TERF1: variants seen among roughly 807,000 people sequenced by gnomAD.
The protein encoded by TERF1 is telomeric repeat-binding factor 1.
Under a neutral mutation model 55.1 loss-of-function variants are expected in TERF1, and 20 were observed. The ratio of observed to expected loss-of-function variants is 0.36; its 90% CI spans 0.26 to 0.53. The LOEUF (loss-of-function observed/expected upper bound fraction) is 0.53. Ranked by LOEUF, TERF1 falls within the 20% of genes least tolerant of loss-of-function variation. The pLI, the probability that TERF1 is intolerant of heterozygous loss-of-function variation, is 0.91. For missense variants in TERF1, 439 were observed against 535.7 expected (o/e 0.82, Z 1.78); for synonymous variants, 168 against 181.2 (o/e 0.93, Z 0.59).
intron 5 of TERF1, among the ~76,000 whole-genome samples, chr8:73,026,285 C>T (rs559838337): frequency 5.2e-4 from 79 of 151,814 alleles, no homozygotes; most frequent in Non-Finnish European, 1.1e-3. Flanking sequence ...ATCGCTTGAG[C>T]CCAGGAGTTT....
At chr8:73,023,088 G>T (rs1028858064) in intron 4 of TERF1, among the ~76,000 whole-genome samples, 2 of 152,118 alleles carry the variant, frequency 1.3e-5, no homozygotes, top group East Asian at 3.8e-4. Flanking sequence ...ATCTGTATGT[G>T]TTCAGTACAG....
At chr8:73,030,753 AT>A (rs1202761023) in intron 7 of TERF1, 4 of 172,368 alleles carry the variant, frequency 2.3e-5, no homozygotes, top group African/African-American at 9.4e-5. Flanking sequence ...CCCCATGCCA[AT>A]TTTATGAAAG....
chr8:73,040,951 T>C (rs1228423588), intron 9 of TERF1, among the ~76,000 whole-genome samples: 3 of 152,174 alleles, frequency 2.0e-5, no homozygotes, highest in African/African-American at 7.2e-5. Context: ...CTTTGGTTCT[T>C]TCTTAGAGTT....
chr8:73,030,634 AG>A lies in TERF1; in HGVS notation c.947+242del, dbSNP rs1320241823. 1.5e-5 allele frequency: 5 copies of A among 344,612 alleles called. No individual in the cohort carries two copies. In the East Asian group the frequency reaches 2.2e-4, roughly 15 times the overall value. 21.3% of individuals were successfully genotyped at this position (344,612 alleles called of 1,614,324 possible). On this transcript the variant is annotated intron_variant, in intron 7 of 9. Coordinates refer to ENST00000276603, the MANE Select transcript of TERF1 (RefSeq NM_017489.3). ...AAAGCCATTATTGGAATACACATATAGGGAGTTCTTGAGCTTAAAACAGATG... is the reference window on the plus strand; with the variant it reads ...AAAGCCATTATTGGAATACACATATAGGAGTTCTTGAGCTTAAAACAGATG...
chr8:73,018,321 G>A (rs1318950955), intron 2 of TERF1, among the ~76,000 whole-genome samples: 3 of 152,140 alleles, frequency 2.0e-5, no homozygotes, highest in Non-Finnish European at 2.9e-5. Context: ...TTGAAACTAC[G>A]AATATTTAAA....
Position 73,013,918 on chromosome 8 carries a change from C to T in TERF1, c.343C>T (p.Leu115=). The T allele has an allele frequency of 6.2e-7, 1 of 1,610,752 alleles. No individual in the cohort carries two copies. The highest frequency in any genetic ancestry group is 8.5e-7 in the Non-Finnish European group (1 of 1,178,980). Residue 115 remains leucine (L), a synonymous_variant, in exon 2 of 10, where the codon CTA becomes TTA. Transcript: ENST00000276603. ...AEAIIHGLSS[L]TACQLRTIYI... ...AGCTATTATTCATGGACTATCCAGT[C>T]TAACAGCTTGCCAGTTGAGAACGAT... is the stretch of plus-strand genomic sequence containing the variant.
intron 2 of TERF1, chr8:73,018,831 A>G (rs1255501697): frequency 6.6e-6 from 1 of 152,170 alleles, no homozygotes; most frequent in East Asian, 1.9e-4. Flanking sequence ...AATATGCATT[A>G]TAGAGTAAGA....
At chr8:73,014,025 T>G (rs1385711370) in intron 2 of TERF1, 35 bp downstream of exon 2, 1 of 1,485,942 alleles carries the variant, frequency 6.7e-7, no homozygotes, top group African/African-American at 1.4e-5. Flanking sequence ...TTGGAAATAT[T>G]TCAATCTGTT....
chr8:73,010,508 A>G (rs527532166), intron 1 of TERF1: 13 of 152,354 alleles, frequency 8.5e-5, no homozygotes, highest in African/African-American at 2.9e-4. Flanking sequence ...AGGTTACTAT[A>G]CAAATATGTA....
chr8:73,037,697 T>TATAATATATATTATATGTATA (rs1809614529), intron 8 of TERF1, among the ~76,000 whole-genome samples: 1 of 41,538 alleles, frequency 2.4e-5, no homozygotes, highest in African/African-American at 1.1e-4. Flanking sequence ...TATTATATAG[T>TATAATATATATTATATGTATA]ATAATATTAT....
At chr8:73,045,897 A>G in intron 9 of TERF1, 64 bp from the exon 10 acceptor site, 1 of 1,292,508 alleles carries the variant, frequency 7.7e-7, no homozygotes, top group Non-Finnish European at 1.0e-6. Flanking sequence ...ACTGGCATTT[A>G]TAGTAGGTAT....
At chr8:73,015,886 T>C (rs1395816019) in intron 2 of TERF1, among the ~76,000 whole-genome samples, 1 of 152,098 alleles carries the variant, frequency 6.6e-6, no homozygotes. Flanking sequence ...ATAATTAAAA[T>C]AGGTGGAATT....
chr8:73,024,698 A>T, intron 4 of TERF1, 124 bp from the exon 5 acceptor site: 1 of 720,000 alleles, frequency 1.4e-6, no homozygotes. Flanking sequence ...ACTTAATTTT[A>T]AAAATATCTG....
chr8:73,038,758 GA>G, intron 8 of TERF1: 1 of 973,038 alleles, frequency 1.0e-6, no homozygotes, highest in Non-Finnish European at 1.2e-6. Flanking sequence ...AAGGAGTGAG[GA>G]AAGGATTATG....
At chr8:73,037,583 T>G (rs1443483722) in intron 8 of TERF1, among the ~76,000 whole-genome samples, 2 of 108,978 alleles carry the variant, frequency 1.8e-5, no homozygotes, top group African/African-American at 6.9e-5. Context: ...TTTTTATATA[T>G]AATATATATA....
At chr8:73,040,455 T>C (rs1338899364) in intron 9 of TERF1, among the ~76,000 whole-genome samples, 2 of 152,240 alleles carry the variant, frequency 1.3e-5, no homozygotes, top group Non-Finnish European at 2.9e-5. Flanking sequence ...TTATTTCTTG[T>C]TGCTTTTGGG....
At chr8:73,024,646 C>A (rs1808902192) in intron 4 of TERF1, among the ~76,000 whole-genome samples, 176 bp from the exon 5 acceptor site, 1 of 149,104 alleles carries the variant, frequency 6.7e-6, no homozygotes, top group Non-Finnish European at 1.5e-5. Flanking sequence ...TGAGGAGAGG[C>A]CAGAAGAAGT....
chr8:73,028,602 A>G (rs1303702949), intron 6 of TERF1, among the ~76,000 whole-genome samples: 1 of 127,474 alleles, frequency 7.8e-6, no homozygotes, highest in Non-Finnish European at 1.6e-5. Context: ...TTTTACATAC[A>G]GTCTTATCCC....
In TERF1 at chr8:73,047,055, A is replaced by C. The variant is rs963222065; in HGVS notation, c.*918A>C. 5.3e-5 allele frequency: 8 copies of C among 152,172 alleles called. No individual in the cohort carries two copies. The highest frequency in any genetic ancestry group is 5.2e-4 in the Admixed American group (8 of 15,254). The allele number at this position is 152,172 out of a possible 1,614,324, so 9.4% of individuals were successfully genotyped here. ...GGGTGGGGAGCGGGAGCAAGAGCTG[A>C]AAAACTTACCTACTGGGGACTGTGC... is the stretch of plus-strand genomic sequence containing the variant. On this transcript the variant is annotated 3_prime_UTR_variant, in exon 10 of 10. Coordinates refer to ENST00000276603, the MANE Select transcript of TERF1 (RefSeq NM_017489.3).
Sources: allele counts gnomAD v4.1 joint callset (sites outside exome capture counted in the v4.1 genomes callset), GRCh38; gene constraint gnomAD v4.1.1; transcripts MANE v1.5; gene names NCBI Gene and HGNC (gene_info 2026-07-23, HGNC 2026-07-21).